The following PPP4R4 variants were observed in gnomAD, a reference collection of about 807,000 sequenced individuals.
The protein encoded by PPP4R4 is serine/threonine-protein phosphatase 4 regulatory subunit 4.
PPP4R4 carries 70 observed loss-of-function variants against 121.8 expected under a neutral mutation model. The ratio of observed to expected loss-of-function variants is 0.57; its 90% CI spans 0.47 to 0.70. The LOEUF is 0.70. Among genes scored for constraint, PPP4R4 ranks in the 30% least tolerant of loss-of-function variants. The probability of loss-of-function intolerance (pLI) is 0.00; values close to 1 mark genes in which losing one functional copy is unlikely to be tolerated. For synonymous variants in PPP4R4, 348 were observed against 355.7 expected (o/e 0.98, Z 0.24); for missense variants, 875 against 1,033.6 (o/e 0.85, Z 2.10).
At chr14:94,189,168 G>A (rs1475047104) in intron 2 of PPP4R4, among the ~76,000 whole-genome samples, 1 of 152,096 alleles carries the variant, frequency 6.6e-6, no homozygotes, top group African/African-American at 2.4e-5. Context: ...TTAAAAATTT[G>A]CTCTTGCTTT....
At chr14:94,269,086 A>G (rs1894187704) in intron 23 of PPP4R4, among the ~76,000 whole-genome samples, 5 of 152,344 alleles carry the variant, frequency 3.3e-5, no homozygotes, top group South Asian at 2.1e-4. Flanking sequence ...AATATTTACT[A>G]TGTAATACAT....
intron 4 of PPP4R4, 137 bp downstream of exon 4, chr14:94,230,871 AC>A (rs1186332318): frequency 2.0e-6 from 2 of 987,788 alleles, no homozygotes; most frequent in Non-Finnish European, 2.8e-6. Flanking sequence ...CAGTGGAATG[AC>A]TTAAAATAGC....
chr14:94,217,230 G>A (rs1266775983), intron 3 of PPP4R4, among the ~76,000 whole-genome samples: 1 of 152,104 alleles, frequency 6.6e-6, no homozygotes, highest in Non-Finnish European at 1.5e-5. Context: ...GGGTGGAGCA[G>A]GAACACTGAG....
At chr14:94,195,236 G>A (rs975596533) in intron 2 of PPP4R4, among the ~76,000 whole-genome samples, 1 of 152,116 alleles carries the variant, frequency 6.6e-6, no homozygotes, top group African/African-American at 2.4e-5. Context: ...ATCCCCAGTA[G>A]TATCACCTGG....
chr14:94,264,883 A>G lies in PPP4R4; in HGVS notation c.2133A>G (p.Gln711=), dbSNP rs1046003665. ...REELLLLEME[Q]LEKEKQQNDG... ...AGATACTGTCTTAATAACAGGAACAATTAGAGAAAGAAAAGCAACAGAATG... is the reference window on the plus strand; with the variant it reads ...AGATACTGTCTTAATAACAGGAACAGTTAGAGAAAGAAAAGCAACAGAATG... The change falls in exon 20 of 25, where the codon CAA becomes CAG. Residue 711 remains glutamine (Q), a synonymous_variant. Coordinates refer to ENST00000304338, the MANE Select transcript of PPP4R4 (RefSeq NM_058237.2). 3.1e-6 allele frequency: 5 copies of G among 1,600,926 alleles called. No homozygotes were observed. Among genetic ancestry groups the G allele is most frequent in the Non-Finnish European group, 4.3e-6 (5 of 1,174,494 alleles).
chr14:94,186,767 G>A (rs564633917), intron 2 of PPP4R4, among the ~76,000 whole-genome samples: 21 of 152,224 alleles, frequency 1.4e-4, no homozygotes, highest in Admixed American at 2.0e-4. Flanking sequence ...GATATGATCA[G>A]TCTTTTTAAT....
chr14:94,203,160 A>G (rs1890283254), intron 2 of PPP4R4, among the ~76,000 whole-genome samples: 1 of 152,160 alleles, frequency 6.6e-6, no homozygotes, highest in Non-Finnish European at 1.5e-5. Flanking sequence ...GGGATCTCTC[A>G]CATTACACTT....
chr14:94,258,683 G>T (rs1412710028), intron 17 of PPP4R4, 100 bp from the exon 18 acceptor site: 7 of 799,440 alleles, frequency 8.8e-6, no homozygotes, highest in Non-Finnish European at 1.3e-5. Flanking sequence ...TAGTGCAGAA[G>T]TCTTCTATTT....
At position 94,272,564 on chromosome 14, in the gene PPP4R4, T is replaced by C. The variant is rs1284718849; in HGVS notation, c.2450-2810T>C. On this transcript the variant is annotated intron_variant, in intron 23 of 24. Coordinates refer to ENST00000304338, the MANE Select transcript of PPP4R4 (RefSeq NM_058237.2). ...ACTATAAAATTCCTAGAAGTTAACATAGGAGAAAATCTAGATGACCCTGCT... is the reference window on the plus strand; with the variant it reads ...ACTATAAAATTCCTAGAAGTTAACACAGGAGAAAATCTAGATGACCCTGCT... Among the ~76,000 whole-genome samples the C allele has an allele frequency of 2.0e-5, 3 of 149,696 alleles. No individual in the cohort carries two copies. The East Asian group carries it at 6.5e-4, about 32-fold the overall frequency.
chr14:94,182,795 G>A (rs781145277), intron 2 of PPP4R4, among the ~76,000 whole-genome samples: 5 of 152,064 alleles, frequency 3.3e-5, no homozygotes, highest in East Asian at 1.9e-4. Flanking sequence ...TATAGAAGCC[G>A]AATTGTTGGT....
chr14:94,226,982 T>C (rs1891743438), intron 3 of PPP4R4, among the ~76,000 whole-genome samples: 2 of 152,188 alleles, frequency 1.3e-5, no homozygotes, highest in Admixed American at 1.3e-4. Context: ...TACAGGCTTG[T>C]TGGAGACAGC....
intron 5 of PPP4R4, 69 bp from the exon 6 acceptor site, chr14:94,233,584 G>T (rs113622688): frequency 2.1e-6 from 2 of 944,914 alleles, no homozygotes. Flanking sequence ...TACTCTGAAG[G>T]AATAGCTGAC....
intron 2 of PPP4R4, among the ~76,000 whole-genome samples, chr14:94,207,101 A>T (rs1258476404): frequency 1.3e-5 from 2 of 152,094 alleles, no homozygotes; most frequent in Non-Finnish European, 2.9e-5. Context: ...TGGATAACCC[A>T]GGATAATCTC....
chr14:94,202,377 A>C (rs1890237994), intron 2 of PPP4R4, among the ~76,000 whole-genome samples: 1 of 152,136 alleles, frequency 6.6e-6, no homozygotes, highest in African/African-American at 2.4e-5. Context: ...AAACTGAATA[A>C]ATTATTCAAA....
intron 15 of PPP4R4, 24 bp from the exon 16 acceptor site, chr14:94,251,725 G>C: frequency 6.7e-7 from 1 of 1,499,486 alleles, no homozygotes; most frequent in Non-Finnish European, 8.9e-7. Context: ...ATTAACTTAA[G>C]ATAATTTTTG....
At chr14:94,202,565 C>T (rs1890247737) in intron 2 of PPP4R4, among the ~76,000 whole-genome samples, 1 of 152,150 alleles carries the variant, frequency 6.6e-6, no homozygotes, top group Admixed American at 6.6e-5. Flanking sequence ...AAGTTCCCTT[C>T]TATTTGTAGT....
At chr14:94,200,968 T>C (rs1890147279) in intron 2 of PPP4R4, among the ~76,000 whole-genome samples, 1 of 152,232 alleles carries the variant, frequency 6.6e-6, no homozygotes, top group Non-Finnish European at 1.5e-5. Context: ...CATTTAATGC[T>C]ATGAACTCTC....
chr14:94,275,323 C>T, intron 23 of PPP4R4, 51 bp from the exon 24 acceptor site: 8 of 1,576,504 alleles, frequency 5.1e-6, no homozygotes, highest in South Asian at 3.4e-5. Context: ...CTTTGGTTAC[C>T]CTCTTTGTTA....
intron 14 of PPP4R4, among the ~76,000 whole-genome samples, chr14:94,248,721 A>G (rs1046040577): frequency 3.9e-5 from 6 of 152,132 alleles, no homozygotes; most frequent in African/African-American, 1.4e-4. Flanking sequence ...TTAAAATTCC[A>G]TCATTTATGC....
Sources: gnomAD v4.1 joint callset for allele counts (sites outside exome capture counted in the v4.1 genomes callset) on GRCh38, gnomAD v4.1.1 for gene constraint, MANE v1.5 for transcripts, NCBI Gene and HGNC (gene_info 2026-07-23, HGNC 2026-07-21) for gene names.